The following FGF14 variants were observed in gnomAD, a reference collection of about 807,000 sequenced individuals.
FGF14 encodes the protein fibroblast growth factor homologous factor 4.
In FGF14, 5 loss-of-function variants were observed where a neutral mutation model predicts 25.5. The ratio of observed to expected loss-of-function variants is 0.20; its 90% CI spans 0.10 to 0.41. FGF14 has a LOEUF of 0.41. Among genes scored for constraint, FGF14 ranks in the 10% least tolerant of loss-of-function variants. The probability of loss-of-function intolerance (pLI) is 1.00; values close to 1 mark genes in which losing one functional copy is unlikely to be tolerated. For synonymous variants in FGF14, 138 were observed against 118.3 expected (o/e 1.17, Z -1.08); for missense variants, 222 against 320.1 (o/e 0.69, Z 2.34).
chr13:101,888,770 A>G (rs1247874530), intron 1 of FGF14, among the ~76,000 whole-genome samples: 1 of 152,200 alleles, frequency 6.6e-6, no homozygotes, highest in Non-Finnish European at 1.5e-5. Flanking sequence ...ACCTTCTGAT[A>G]TAGAGCACAA....
chr13:101,889,650 A>G (rs1196542572), intron 1 of FGF14, among the ~76,000 whole-genome samples: 1 of 152,208 alleles, frequency 6.6e-6, no homozygotes, highest in East Asian at 1.9e-4. Context: ...AGATAAAAGA[A>G]AGAGCAAGGG....
intron 1 of FGF14, among the ~76,000 whole-genome samples, chr13:101,988,107 G>T (rs865891143): frequency 6.6e-6 from 1 of 152,040 alleles, no homozygotes; most frequent in South Asian, 2.1e-4. Flanking sequence ...AGGCGAGAAG[G>T]TTCCTGATTT....
chr13:102,370,980 A>G (rs1272463146), intron 1 of FGF14, among the ~76,000 whole-genome samples: 2 of 151,914 alleles, frequency 1.3e-5, no homozygotes, highest in Non-Finnish European at 2.9e-5. Context: ...AATCCTAATA[A>G]TTCTAACTTA....
chr13:101,752,637 C>T (rs553084696), intron 3 of FGF14, among the ~76,000 whole-genome samples: 1 of 152,304 alleles, frequency 6.6e-6, no homozygotes, highest in Admixed American at 6.5e-5. Flanking sequence ...GAGCCCCTTT[C>T]ATACAGAAAG....
intron 1 of FGF14, among the ~76,000 whole-genome samples, chr13:102,377,903 G>T (rs1256037106): frequency 6.6e-6 from 1 of 152,184 alleles, no homozygotes; most frequent in Non-Finnish European, 1.5e-5. Flanking sequence ...TCTATAGCCA[G>T]TCTCACTGTA....
chr13:102,265,163 T>A (rs922558068), intron 1 of FGF14, among the ~76,000 whole-genome samples: 1 of 152,166 alleles, frequency 6.6e-6, no homozygotes, highest in Non-Finnish European at 1.5e-5. Context: ...TCATCCTCCA[T>A]CAAAACTTCC....
chr13:101,809,842 C>T (rs2140174386), intron 3 of FGF14, among the ~76,000 whole-genome samples: 1 of 152,188 alleles, frequency 6.6e-6, no homozygotes, highest in African/African-American at 2.4e-5. Flanking sequence ...CTCACAACCA[C>T]CCTATAAGGT....
At chr13:102,395,776 A>T (rs1328892557) in intron 1 of FGF14, 1 of 152,208 alleles carries the variant, frequency 6.6e-6, no homozygotes, top group Non-Finnish European at 1.5e-5. Context: ...TTGTTGGGTG[A>T]CTTTCTTACA....
intron 1 of FGF14, among the ~76,000 whole-genome samples, chr13:102,308,036 C>G (rs1344347760): frequency 6.6e-6 from 1 of 152,170 alleles, no homozygotes; most frequent in Non-Finnish European, 1.5e-5. Context: ...AGAACAGGCC[C>G]TCTCAGACAT....
intron 1 of FGF14, among the ~76,000 whole-genome samples, chr13:102,388,807 CTCAA>C (rs548262574): frequency 2.0e-3 from 312 of 152,284 alleles, no homozygotes; most frequent in African/African-American, 7.2e-3. Flanking sequence ...TTGAGCCATT[CTCAA>C]TCATGTCGTT....
chr13:102,144,149 G>A (rs1171378465), intron 1 of FGF14, among the ~76,000 whole-genome samples: 1 of 152,076 alleles, frequency 6.6e-6, no homozygotes, highest in African/African-American at 2.4e-5. Context: ...CTGAGTAGCT[G>A]GAAATACAAG....
Position 101,717,551 on chromosome 13 carries a change from T to C in FGF14, c.*5280A>G, listed in dbSNP as rs1163524813. ...ACAGACATTGGAATTCATTACATTATCTAGCCATCGTAATACAAATGACCT... is the reference window on the plus strand; with the variant it reads ...ACAGACATTGGAATTCATTACATTACCTAGCCATCGTAATACAAATGACCT... On this transcript the variant is annotated 3_prime_UTR_variant, in exon 5 of 5. Transcript: ENST00000376143. The C allele has an allele frequency of 6.6e-6, 1 of 152,180 alleles. No individual in the cohort carries two copies. Among genetic ancestry groups the C allele is most frequent in the Non-Finnish European group, 1.5e-5 (1 of 68,036 alleles). 9.4% of individuals were successfully genotyped at this position (152,180 alleles called of 1,614,324 possible).
At chr13:102,039,362 C>T (rs1387041496) in intron 1 of FGF14, among the ~76,000 whole-genome samples, 1 of 152,062 alleles carries the variant, frequency 6.6e-6, no homozygotes, top group African/African-American at 2.4e-5. Context: ...TCCTGGGGCT[C>T]CTGTAAGGAA....
At chr13:101,987,593 C>T (rs1241357624) in intron 1 of FGF14, among the ~76,000 whole-genome samples, 4 of 151,806 alleles carry the variant, frequency 2.6e-5, no homozygotes, top group Non-Finnish European at 5.9e-5. Context: ...TATATTTTTA[C>T]TAGTTTATTT....
chr13:101,828,126 CACAT>C (rs941441978), intron 3 of FGF14, among the ~76,000 whole-genome samples: 1 of 151,896 alleles, frequency 6.6e-6, no homozygotes, highest in African/African-American at 2.4e-5. Context: ...ACACATATAT[CACAT>C]ACAGATATTG....
chr13:101,851,203 C>T (rs2043828349), intron 3 of FGF14, among the ~76,000 whole-genome samples: 1 of 151,970 alleles, frequency 6.6e-6, no homozygotes, highest in Non-Finnish European at 1.5e-5. Flanking sequence ...AACACAGAGA[C>T]AGAGACAGGC....
Position 101,714,184 on chromosome 13 carries a change from C to A in FGF14, c.*8647G>T. 1 of 431,714 alleles carries A rather than the reference C, an allele frequency of 2.3e-6. No individual in the cohort carries two copies. Among genetic ancestry groups the A allele is most frequent in the Non-Finnish European group, 4.1e-6 (1 of 242,088 alleles). 26.7% of individuals were successfully genotyped at this position (431,714 alleles called of 1,614,324 possible). A position where few individuals can be genotyped will look rare whatever the true frequency, so the allele number is the denominator to read the frequency against. ...CCCCATCCTGCTCTCATTGACATTT[C>A]AACCAGACTGGGCCATGGGACATTT... On this transcript the variant is annotated 3_prime_UTR_variant, in exon 5 of 5. Transcript: ENST00000376143.
chr13:102,125,603 T>C (rs1046401361), intron 1 of FGF14, among the ~76,000 whole-genome samples: 1 of 152,170 alleles, frequency 6.6e-6, no homozygotes, highest in African/African-American at 2.4e-5. Context: ...GGATGAAATA[T>C]TCTCTCTCAG....
intron 1 of FGF14, among the ~76,000 whole-genome samples, chr13:102,248,879 C>T (rs773166965): frequency 5.3e-5 from 8 of 152,122 alleles, no homozygotes; most frequent in Non-Finnish European, 1.0e-4. Context: ...ATGATTGAGA[C>T]TTGATGTCTG....
Sources: gnomAD v4.1 joint callset for allele counts (sites outside exome capture counted in the v4.1 genomes callset) on GRCh38, gnomAD v4.1.1 for gene constraint, MANE v1.5 for transcripts, NCBI Gene and HGNC (gene_info 2026-07-23, HGNC 2026-07-21) for gene names.